DYM: variants seen among roughly 807,000 people sequenced by gnomAD.
The protein encoded by DYM is dymeclin, also known as dyggve-Melchior-Clausen syndrome protein.
In DYM, 78 loss-of-function variants were observed where a neutral mutation model predicts 93.1. The observed-to-expected ratio is 0.84, with a 90% CI of 0.70 to 1.01. The LOEUF is 1.01. Ranked by LOEUF, DYM falls within the 50% of genes least tolerant of loss-of-function variation. The pLI is 0.00. For missense variants in DYM, 789 were observed against 845.0 expected (o/e 0.93, Z 0.82); for synonymous variants, 321 against 319.7 (o/e 1.00, Z -0.04).
intron 17 of DYM, among the ~76,000 whole-genome samples, chr18:49,088,303 G>T (rs1341787864): frequency 6.6e-6 from 1 of 152,098 alleles, no homozygotes; most frequent in Admixed American, 6.6e-5. Flanking sequence ...AAGGTGTAAG[G>T]AAGGGATCCA....
chr18:49,104,478 C>T (rs1404763117), intron 16 of DYM, among the ~76,000 whole-genome samples: 2 of 152,158 alleles, frequency 1.3e-5, no homozygotes, highest in Non-Finnish European at 2.9e-5. Context: ...AGAAGGCATC[C>T]CTGTCGTGTG....
At chr18:49,160,559 G>A (rs2086977482) in intron 15 of DYM, among the ~76,000 whole-genome samples, 1 of 132,618 alleles carries the variant, frequency 7.5e-6, no homozygotes, top group Admixed American at 8.2e-5. Context: ...GAAAGTACAC[G>A]TCGTGAGACT....
At chr18:49,227,788 G>C (rs937642998) in intron 13 of DYM, among the ~76,000 whole-genome samples, 5 of 152,088 alleles carry the variant, frequency 3.3e-5, no homozygotes, top group African/African-American at 9.7e-5. Flanking sequence ...TAGTGACTGA[G>C]GCATATACCT....
chr18:49,190,309 A>T (rs573936287), intron 14 of DYM, among the ~76,000 whole-genome samples: 1 of 152,192 alleles, frequency 6.6e-6, no homozygotes, highest in South Asian at 2.1e-4. Flanking sequence ...TACTTTTAAC[A>T]TTTTACAGAA....
chr18:49,318,265 G>A (rs1487104506), intron 8 of DYM, among the ~76,000 whole-genome samples: 4 of 152,182 alleles, frequency 2.6e-5, no homozygotes, highest in Non-Finnish European at 5.9e-5. Context: ...AGAAGGATCC[G>A]AACAATATGG....
chr18:49,289,403 GT>G (rs1370697323), intron 8 of DYM, among the ~76,000 whole-genome samples: 8 of 5,852 alleles, frequency 1.4e-3, no homozygotes, highest in East Asian at 2.0e-3. Context: ...CTACAAATCA[GT>G]AAAAAAAAAA....
At chr18:49,401,006 C>T (rs1466757493) in intron 2 of DYM, among the ~76,000 whole-genome samples, 1 of 152,064 alleles carries the variant, frequency 6.6e-6, no homozygotes. Flanking sequence ...AAGAATATTA[C>T]AATTAGAAAC....
intron 8 of DYM, among the ~76,000 whole-genome samples, chr18:49,288,789 C>T (rs1347798178): frequency 6.6e-6 from 1 of 150,814 alleles, no homozygotes; most frequent in East Asian, 1.9e-4. Flanking sequence ...CAAAAAAAAA[C>T]AAAAAACAAA....
intron 17 of DYM, among the ~76,000 whole-genome samples, chr18:49,076,314 A>G (rs551624037): frequency 3.3e-5 from 5 of 152,360 alleles, no homozygotes; most frequent in African/African-American, 1.2e-4. Context: ...CTACTTTGAG[A>G]TGACACTTAT....
At chr18:49,201,203 C>T (rs1160014044) in intron 14 of DYM, among the ~76,000 whole-genome samples, 1 of 152,178 alleles carries the variant, frequency 6.6e-6, no homozygotes, top group Non-Finnish European at 1.5e-5. Context: ...AAATATTTGC[C>T]ATGTTGATAG....
chr18:49,095,866 C>G (rs939780916), intron 17 of DYM, among the ~76,000 whole-genome samples: 2 of 152,040 alleles, frequency 1.3e-5, no homozygotes, highest in East Asian at 1.9e-4. Context: ...CAAGATTAAC[C>G]TTCCCCAGAC....
chr18:49,162,261 T>C (rs969919639), intron 15 of DYM, among the ~76,000 whole-genome samples: 7 of 152,162 alleles, frequency 4.6e-5, no homozygotes, highest in Admixed American at 2.0e-4. Context: ...TAGAACAGAA[T>C]ACCTGAAACT....
intron 10 of DYM, among the ~76,000 whole-genome samples, chr18:49,279,227 C>G (rs1209558165): frequency 6.6e-6 from 1 of 152,114 alleles, no homozygotes; most frequent in African/African-American, 2.4e-5. Context: ...TAGAAAGAAT[C>G]CAAGTTAGCC....
intron 16 of DYM, among the ~76,000 whole-genome samples, chr18:49,098,702 G>A (rs775050573): frequency 1.1e-4 from 17 of 152,196 alleles, no homozygotes; most frequent in African/African-American, 3.9e-4. Context: ...TTTTCGCTAC[G>A]TGCCTGTGGG....
chr18:49,443,653 C>A (rs1407807663), intron 1 of DYM, among the ~76,000 whole-genome samples: 8 of 152,200 alleles, frequency 5.3e-5, no homozygotes, highest in Non-Finnish European at 7.3e-5. Flanking sequence ...TGCCACACAG[C>A]ATTCACTCCC....
chr18:49,450,851 T>C (rs913732083), intron 1 of DYM, among the ~76,000 whole-genome samples: 1 of 152,192 alleles, frequency 6.6e-6, no homozygotes, highest in African/African-American at 2.4e-5. Flanking sequence ...GCACAGACAA[T>C]TGTTGTTTTG....
chr18:49,353,681 A>G (rs2065310755), intron 6 of DYM, among the ~76,000 whole-genome samples: 1 of 152,106 alleles, frequency 6.6e-6, no homozygotes, highest in African/African-American at 2.4e-5. Context: ...CATTTACATT[A>G]AGAACCAAGA....
At chr18:49,273,816 C>CTTT (rs35929710) in intron 10 of DYM, among the ~76,000 whole-genome samples, 1 of 137,296 alleles carries the variant, frequency 7.3e-6, no homozygotes, top group African/African-American at 2.7e-5. Context: ...TATTTTATGC[C>CTTT]TTTTTTTTTT....
At chr18:49,217,639 A>T (rs2093138645) in intron 13 of DYM, among the ~76,000 whole-genome samples, 3 of 152,228 alleles carry the variant, frequency 2.0e-5, no homozygotes, top group Non-Finnish European at 4.4e-5. Flanking sequence ...CCAGAATTTC[A>T]TATCCAGCCA....
Sources: gnomAD v4.1 joint callset for allele counts (sites outside exome capture counted in the v4.1 genomes callset) on GRCh38, gnomAD v4.1.1 for gene constraint, MANE v1.5 for transcripts, NCBI Gene and HGNC (gene_info 2026-07-23, HGNC 2026-07-21) for gene names.